Variants in SLC25A48 observed in about 807,000 individuals in gnomAD.
SLC25A48 encodes the protein solute carrier family 25 member 48.
In SLC25A48, 29 loss-of-function variants were observed where a neutral mutation model predicts 32.2. The ratio of observed to expected loss-of-function variants is 0.90; its 90% CI spans 0.67 to 1.23. The LOEUF (loss-of-function observed/expected upper bound fraction) is 1.23. Among genes scored for constraint, SLC25A48 ranks in the 50% most tolerant of loss-of-function variants. SLC25A48 has a pLI of 0.00. For synonymous variants in SLC25A48, 164 were observed against 172.3 expected (o/e 0.95, Z 0.38); for missense variants, 399 against 422.7 (o/e 0.94, Z 0.49).
At chr5:135,773,612 G>A (rs557687613) in intron 3 of SLC25A48, among the ~76,000 whole-genome samples, 3 of 151,588 alleles carry the variant, frequency 2.0e-5, no homozygotes, top group South Asian at 4.2e-4. Context: ...GATATAATGC[G>A]AGAAGATTGA....
intron 4 of SLC25A48, among the ~76,000 whole-genome samples, chr5:135,868,857 C>A (rs1761424608): frequency 6.6e-6 from 1 of 152,176 alleles, no homozygotes; most frequent in Non-Finnish European, 1.5e-5. Context: ...TCAATAACTC[C>A]TGAAAGCCAC....
intron 3 of SLC25A48, among the ~76,000 whole-genome samples, chr5:135,675,541 A>G (rs1272506359): frequency 1.3e-5 from 2 of 151,992 alleles, no homozygotes; most frequent in Admixed American, 6.5e-5. Context: ...TGGATTCTCA[A>G]TTCTGTCCCA....
intron 3 of SLC25A48, among the ~76,000 whole-genome samples, chr5:135,651,281 CAG>C (rs1311352960): frequency 6.6e-6 from 1 of 152,158 alleles, no homozygotes; most frequent in Non-Finnish European, 1.5e-5. Flanking sequence ...CTATAGTGCC[CAG>C]TGACTCACAG....
intron 3 of SLC25A48, among the ~76,000 whole-genome samples, chr5:135,770,361 C>T (rs939793274): frequency 6.6e-6 from 1 of 151,476 alleles, no homozygotes; most frequent in African/African-American, 2.4e-5. Flanking sequence ...TAGTACATTC[C>T]CCCTGTGATA....
chr5:135,747,002 T>TTG (rs1416706102), intron 3 of SLC25A48, among the ~76,000 whole-genome samples: 4 of 151,336 alleles, frequency 2.6e-5, no homozygotes, highest in Admixed American at 1.3e-4. Flanking sequence ...TTGTTGTTGT[T>TTG]TTTTTTTCCT....
intron 3 of SLC25A48, among the ~76,000 whole-genome samples, chr5:135,726,043 G>A (rs555899310): frequency 7.7e-4 from 117 of 152,294 alleles, no homozygotes; most frequent in African/African-American, 2.5e-3. Context: ...GGATCTCCCC[G>A]TGAAGAGACA....
At chr5:135,864,067 G>T (rs1405793176) in intron 4 of SLC25A48, among the ~76,000 whole-genome samples, 4 of 152,154 alleles carry the variant, frequency 2.6e-5, no homozygotes, top group East Asian at 3.8e-4. Flanking sequence ...GGTGAAGAAG[G>T]TTCTAATTTC....
intron 4 of SLC25A48, among the ~76,000 whole-genome samples, chr5:135,857,644 G>A (rs1222424818): frequency 3.3e-5 from 5 of 152,236 alleles, no homozygotes; most frequent in Non-Finnish European, 7.3e-5. Context: ...GCATCCAGCT[G>A]AGAGCCAGAG....
chr5:135,779,371 A>G (rs1756662146), intron 3 of SLC25A48, among the ~76,000 whole-genome samples: 1 of 151,464 alleles, frequency 6.6e-6, no homozygotes, highest in Non-Finnish European at 1.5e-5. Context: ...GGGGGTGGAT[A>G]CCCCCTGTGT....
chr5:135,715,613 C>A (rs1754778679), intron 3 of SLC25A48, among the ~76,000 whole-genome samples: 1 of 152,218 alleles, frequency 6.6e-6, no homozygotes, highest in African/African-American at 2.4e-5. Flanking sequence ...CGCTCCAAAG[C>A]CCCAAGAAAT....
chr5:135,871,353 G>A, intron 4 of SLC25A48, 108 bp from the exon 5 acceptor site: 1 of 1,337,832 alleles, frequency 7.5e-7, no homozygotes, highest in Non-Finnish European at 1.0e-6. Context: ...AAGCTGATGG[G>A]CTACATGAGA....
Position 135,834,667 on chromosome 5 carries a change from G to A in SLC25A48, c.-181G>A, listed in dbSNP as rs1758344178. ...TGATGTCAGCCGCCCTCCGGCACTT[G>A]GAGAGGTGAGCGCGGCAGCCCGCGC... On this transcript the variant is annotated 5_prime_UTR_variant, in exon 1 of 8. Transcript: ENST00000681962. The A allele has an allele frequency of 6.3e-6, 4 of 633,316 alleles. No individual in the cohort carries two copies. The South Asian group carries it at 8.8e-5, about 14-fold the overall frequency. The allele number at this position is 633,316 out of a possible 1,614,324, so 39.2% of individuals were successfully genotyped here. A position where few individuals can be genotyped will look rare whatever the true frequency, so the allele number is the denominator to read the frequency against.
rs115234034 is a variant in SLC25A48, at chr5:135,729,770, C to T, written c.-520-82753C>T. On this transcript the variant is annotated intron_variant, in intron 3 of 10. Coordinates refer to the SLC25A48 transcript ENST00000646290. Reference sequence around the variant, plus strand: ...GGGAACCACAGGCTATATGAGTTTCCTTCTCATCTAAAAGTAATAGGAAGT... The same window carrying T: ...GGGAACCACAGGCTATATGAGTTTCTTTCTCATCTAAAAGTAATAGGAAGT... 9.8e-3 allele frequency among the ~76,000 whole-genome samples: 1,498 copies of T among 152,198 alleles called. 27 individuals carry two copies. Among genetic ancestry groups the T allele is most frequent in the African/African-American group, 0.033 (1,383 of 41,518 alleles).
chr5:135,841,007 A>G (rs527386450), intron 1 of SLC25A48, among the ~76,000 whole-genome samples: 5 of 152,334 alleles, frequency 3.3e-5, no homozygotes, highest in South Asian at 4.1e-4. Context: ...TGTTTCCACC[A>G]TGGCTGTATG....
intron 3 of SLC25A48, among the ~76,000 whole-genome samples, chr5:135,760,167 A>G (rs1029794230): frequency 1.1e-4 from 16 of 152,090 alleles, no homozygotes; most frequent in African/African-American, 2.2e-4. Flanking sequence ...TCTCGCTCCT[A>G]CGGACCTCTT....
intron 3 of SLC25A48, among the ~76,000 whole-genome samples, chr5:135,728,873 CACACACACACAT>C (rs1334021247): frequency 1.3e-4 from 19 of 151,122 alleles, no homozygotes; most frequent in African/African-American, 4.6e-4. Flanking sequence ...CACACACACA[CACACACACACAT>C]ACACACACAC....
intron 3 of SLC25A48, among the ~76,000 whole-genome samples, chr5:135,715,159 G>C (rs1216500566): frequency 6.6e-6 from 1 of 152,202 alleles, no homozygotes; most frequent in Non-Finnish European, 1.5e-5. Flanking sequence ...GAGATAGTGA[G>C]GCTGATGAGC....
intron 3 of SLC25A48, among the ~76,000 whole-genome samples, chr5:135,673,835 G>A (rs1293705313): frequency 6.6e-6 from 1 of 151,852 alleles, no homozygotes; most frequent in East Asian, 1.9e-4. Context: ...CATAGTTTTA[G>A]CTCTTCTTAC....
chr5:135,596,428 T>C (rs1020504543), intron 1 of SLC25A48, among the ~76,000 whole-genome samples: 1 of 152,156 alleles, frequency 6.6e-6, no homozygotes, highest in African/African-American at 2.4e-5. Flanking sequence ...AGGAAAAGGA[T>C]TAGCAAGGAC....
Sources: allele counts gnomAD v4.1 joint callset (sites outside exome capture counted in the v4.1 genomes callset), GRCh38; gene constraint gnomAD v4.1.1; transcripts MANE v1.5; gene names NCBI Gene and HGNC (gene_info 2026-07-23, HGNC 2026-07-21).